Variants in ALPK2 observed in about 807,000 individuals in gnomAD.
ALPK2 encodes the protein alpha kinase 2, also known as alpha-protein kinase 2.
ALPK2 carries 127 observed loss-of-function variants against 163.1 expected under a neutral mutation model. The observed-to-expected ratio is 0.78, with a 90% CI of 0.67 to 0.90. ALPK2 has a LOEUF of 0.90. Among genes scored for constraint, ALPK2 ranks in the 40% least tolerant of loss-of-function variants. The probability of loss-of-function intolerance (pLI) is 0.00; values close to 1 mark genes in which losing one functional copy is unlikely to be tolerated. For synonymous variants in ALPK2, 953 were observed against 959.1 expected (o/e 0.99, Z 0.12); for missense variants, 2,360 against 2,589.6 (o/e 0.91, Z 1.92).
intron 12 of ALPK2, among the ~76,000 whole-genome samples, chr18:58,484,930 T>C (rs2051331183): frequency 6.6e-6 from 1 of 152,142 alleles, no homozygotes; most frequent in South Asian, 2.1e-4. Flanking sequence ...GGAAGAGACT[T>C]TGAAGCTGAG....
At chr18:58,548,085 A>T (rs1203058622) in intron 4 of ALPK2, among the ~76,000 whole-genome samples, 1 of 152,184 alleles carries the variant, frequency 6.6e-6, no homozygotes, top group East Asian at 1.9e-4. Context: ...TGTCACGATT[A>T]CTACACTAGT....
intron 6 of ALPK2, among the ~76,000 whole-genome samples, chr18:58,526,790 C>A (rs566787339): frequency 1.1e-4 from 17 of 152,266 alleles, no homozygotes; most frequent in African/African-American, 4.1e-4. Context: ...CACGCTTTAG[C>A]CTGTTAAGGA....
At chr18:58,517,837 A>G (rs976786580) in intron 8 of ALPK2, among the ~76,000 whole-genome samples, 3 of 152,280 alleles carry the variant, frequency 2.0e-5, no homozygotes, top group Non-Finnish European at 4.4e-5. Context: ...CAAAAAAATA[A>G]TAAAAAGAAT....
intron 4 of ALPK2, among the ~76,000 whole-genome samples, chr18:58,574,885 G>A (rs1018883950): frequency 3.3e-5 from 5 of 152,148 alleles, no homozygotes; most frequent in Admixed American, 2.6e-4. Context: ...GGAAAATAAA[G>A]GCCATAAAGT....
chr18:58,608,650 G>A (rs1412456415), intron 2 of ALPK2, among the ~76,000 whole-genome samples: 1 of 152,150 alleles, frequency 6.6e-6, no homozygotes, highest in East Asian at 1.9e-4. Context: ...CCACTAAGAT[G>A]AGAACCGCAT....
At chr18:58,624,429 T>C (rs1167285232) in intron 1 of ALPK2, among the ~76,000 whole-genome samples, 1 of 149,924 alleles carries the variant, frequency 6.7e-6, no homozygotes, top group Non-Finnish European at 1.5e-5. Context: ...CTGATTTAGG[T>C]AGTTTGAGTT....
chr18:58,623,390 G>A (rs2052212518), intron 1 of ALPK2, among the ~76,000 whole-genome samples: 1 of 151,884 alleles, frequency 6.6e-6, no homozygotes, highest in African/African-American at 2.4e-5. Flanking sequence ...TAAATAAAGT[G>A]TGCCTTAGAG....
In ALPK2 at chr18:58,537,482, G is replaced by GC; in HGVS notation, c.2704dup (p.Ala902GlyfsTer2). The GC allele has an allele frequency of 6.2e-7, 1 of 1,612,004 alleles. No homozygotes were observed. The highest frequency in any genetic ancestry group is 8.5e-7 in the Non-Finnish European group (1 of 1,178,510). On this transcript the variant is annotated frameshift_variant, in exon 5 of 13. Coordinates refer to ENST00000361673, the MANE Select transcript of ALPK2 (RefSeq NM_052947.4). LOFTEE classifies it high-confidence loss of function. ...ATTTTCTCCTGTGGCACCTTCACTA[G>GC]CTGTGTGTGAAATGTTCAAGGTGAA...
At chr18:58,500,387 T>C (rs543125380) in intron 11 of ALPK2, among the ~76,000 whole-genome samples, 2 of 152,324 alleles carry the variant, frequency 1.3e-5, no homozygotes, top group Admixed American at 1.3e-4. Context: ...ACTTGGAGAA[T>C]TGCTTTCCCT....
intron 4 of ALPK2, among the ~76,000 whole-genome samples, chr18:58,561,272 G>T (rs1001119658): frequency 6.6e-6 from 1 of 152,206 alleles, no homozygotes; most frequent in African/African-American, 2.4e-5. Context: ...ACTGGGGAGG[G>T]TGTGAGGAAG....
intron 4 of ALPK2, among the ~76,000 whole-genome samples, chr18:58,565,731 G>T (rs1413327133): frequency 6.9e-6 from 1 of 145,780 alleles, no homozygotes. Context: ...TCTCTTTTTT[G>T]TTCCTTCCTT....
intron 2 of ALPK2, among the ~76,000 whole-genome samples, chr18:58,611,092 C>CA (rs531501598): frequency 0.11 from 13,150 of 121,242 alleles, 662 homozygotes; most frequent in Middle Eastern, 0.21. Flanking sequence ...GACTCTGTCT[C>CA]AAAAAAAAAA....
At position 58,528,799 on chromosome 18, in the gene ALPK2, A is replaced by C. The variant is rs568496451; in HGVS notation, c.5501+292T>G. 587 of 373,932 alleles carry C rather than the reference A, an allele frequency of 1.6e-3. 2 individuals are homozygous for C. Among genetic ancestry groups the C allele is most frequent in the Non-Finnish European group, 2.2e-3 (433 of 200,962 alleles). The allele number at this position is 373,932 out of a possible 1,614,324, so 23.2% of individuals were successfully genotyped here. On this transcript the variant is annotated intron_variant, in intron 6 of 12. Coordinates refer to ENST00000361673, the MANE Select transcript of ALPK2 (RefSeq NM_052947.4). ...TAGGACCACAGAACCTCAGACTAGAATATCATTTGACATGTTCCTTCCCCT... is the reference window on the plus strand; with the variant it reads ...TAGGACCACAGAACCTCAGACTAGACTATCATTTGACATGTTCCTTCCCCT...
intron 12 of ALPK2, among the ~76,000 whole-genome samples, chr18:58,496,621 C>T (rs1407546000): frequency 1.5e-4 from 23 of 152,192 alleles, no homozygotes; most frequent in Non-Finnish European, 7.3e-5. Flanking sequence ...TTTGTTGGAT[C>T]GTGGCTGACA....
intron 3 of ALPK2, among the ~76,000 whole-genome samples, chr18:58,596,272 G>T (rs1352254029): frequency 6.6e-6 from 1 of 152,208 alleles, no homozygotes; most frequent in Non-Finnish European, 1.5e-5. Context: ...CAGGGCCTCG[G>T]TGCTGGCTGT....
intron 10 of ALPK2, among the ~76,000 whole-genome samples, chr18:58,509,587 G>A (rs890890686): frequency 1.2e-4 from 18 of 151,810 alleles, no homozygotes; most frequent in Non-Finnish European, 2.1e-4. Context: ...TAACTGGTGT[G>A]AGATGGTATC....
In ALPK2 at chr18:58,610,977, T is replaced by C. The variant is rs865937045; in HGVS notation, c.109+712A>G. Among the ~76,000 whole-genome samples, 9 of 150,770 alleles carry C rather than the reference T, an allele frequency of 6.0e-5. No homozygotes were observed. The South Asian group carries it at 1.5e-3, about 25-fold the overall frequency. On this transcript the variant is annotated intron_variant, in intron 2 of 12. Coordinates refer to ENST00000361673, the MANE Select transcript of ALPK2 (RefSeq NM_052947.4). The stretch of plus-strand genomic sequence containing the variant: ...GGTGTAGTGGCGGGTGCCTGTAATC[T>C]CAGCTACTTGGGAGGCTGAGGTGGG...
intron 12 of ALPK2, among the ~76,000 whole-genome samples, chr18:58,488,536 C>A (rs28624836): frequency 6.7e-6 from 1 of 149,824 alleles, no homozygotes; most frequent in East Asian, 2.0e-4. Flanking sequence ...TTTCCAGCCC[C>A]GGCTGAGTTA....
chr18:58,486,268 A>G (rs79397490), intron 12 of ALPK2, among the ~76,000 whole-genome samples: 31 of 152,336 alleles, frequency 2.0e-4, no homozygotes, highest in African/African-American at 7.2e-4. Flanking sequence ...GCCAGAGAGC[A>G]AAGGCATCTC....
Sources: gnomAD v4.1 joint callset for allele counts (sites outside exome capture counted in the v4.1 genomes callset) on GRCh38, gnomAD v4.1.1 for gene constraint, MANE v1.5 for transcripts, NCBI Gene and HGNC (gene_info 2026-07-23, HGNC 2026-07-21) for gene names.